The following STK32A variants were observed in gnomAD, a reference collection of about 807,000 sequenced individuals.
The protein encoded by STK32A is serine/threonine kinase 32A, also known as serine/threonine-protein kinase 32A.
A neutral mutation model predicts 53.2 loss-of-function variants in STK32A; 41 were observed. The observed-to-expected ratio is 0.77, with a 90% CI of 0.60 to 1.00. The LOEUF is 1.00. Ranked by LOEUF, STK32A falls within the 50% of genes least tolerant of loss-of-function variation. The probability of loss-of-function intolerance (pLI) is 0.00; values close to 1 mark genes in which losing one functional copy is unlikely to be tolerated. For synonymous variants in STK32A, 166 were observed against 162.8 expected, an observed-to-expected ratio of 1.02 and a Z score of -0.15; for missense variants, 458 against 485.8, an observed-to-expected ratio of 0.94 and a Z score of 0.54.
the STK32A span, chr5:147,399,125 T>A: frequency 6.2e-7 from 1 of 1,614,220 alleles, no homozygotes; most frequent in Non-Finnish European, 8.5e-7. Context: ...AGCATCTGGA[T>A]CCCAGATGAC....
intron 11 of STK32A, among the ~76,000 whole-genome samples, chr5:147,377,967 G>A (rs912782378): frequency 6.6e-6 from 1 of 152,050 alleles, no homozygotes; most frequent in African/African-American, 2.4e-5. Context: ...ACAAAGAATA[G>A]TCTTTCTTCC....
At chr5:147,336,995 G>GTACC (rs1225978805) in intron 5 of STK32A, among the ~76,000 whole-genome samples, 2 of 152,154 alleles carry the variant, frequency 1.3e-5, no homozygotes, top group African/African-American at 4.8e-5. Context: ...TCATGTACAT[G>GTACC]TACCGGTATA....
chr5:147,320,644 G>A (rs549039559), intron 4 of STK32A, among the ~76,000 whole-genome samples: 6 of 152,322 alleles, frequency 3.9e-5, no homozygotes, highest in Non-Finnish European at 7.4e-5. Flanking sequence ...GGCATTGCAC[G>A]TAACAGGGGA....
chr5:147,250,476 A>T (rs1753937756), intron 2 of STK32A, among the ~76,000 whole-genome samples: 1 of 152,174 alleles, frequency 6.6e-6, no homozygotes. Context: ...ATCCAGTTCA[A>T]CACTACTCTT....
chr5:147,399,427 T>C, the STK32A span, among the ~76,000 whole-genome samples: 1 of 152,206 alleles, frequency 6.6e-6, no homozygotes, highest in Non-Finnish European at 1.5e-5. Context: ...TGGGCTGTCG[T>C]GACTACTCAG....
At chr5:147,310,404 C>T (rs1368397854) in intron 4 of STK32A, among the ~76,000 whole-genome samples, 5 of 152,134 alleles carry the variant, frequency 3.3e-5, no homozygotes, top group African/African-American at 1.2e-4. Context: ...AATAAATTGC[C>T]TTTCTGGCTG....
At position 147,243,107 on chromosome 5, in the gene STK32A, G is replaced by GTTTTTTAAAATTTTTAAAAAGA. The variant is rs1554098500; in HGVS notation, c.52+3432_52+3453dup. ...AATCCCAATATGTGATTTTTAAAAA[G>GTTTTTTAAAATTTTTAAAAAGA]TTTTTTAAAATTTTTAAAAAGATTT... On this transcript the variant is annotated intron_variant, in intron 2 of 12. Transcript: ENST00000397936. 1.3e-4 allele frequency among the ~76,000 whole-genome samples: 7 copies of GTTTTTTAAAATTTTTAAAAAGA among 52,988 alleles called. 2 individuals carry two copies. The highest frequency in any genetic ancestry group is 4.3e-4 in the Admixed American group (2 of 4,662). 34.8% of individuals were successfully genotyped at this position (52,988 alleles called of 152,430 possible). A position where few individuals can be genotyped will look rare whatever the true frequency, so the allele number is the denominator to read the frequency against.
chr5:147,281,040 T>G (rs1328663592), intron 4 of STK32A, among the ~76,000 whole-genome samples: 10 of 151,950 alleles, frequency 6.6e-5, no homozygotes, highest in Non-Finnish European at 1.5e-5. Context: ...GAGATAACAA[T>G]CACTGCAGTT....
intron 2 of STK32A, among the ~76,000 whole-genome samples, chr5:147,255,045 C>T (rs758863576): frequency 6.6e-5 from 10 of 152,122 alleles, no homozygotes; most frequent in African/African-American, 1.2e-4. Flanking sequence ...GAGGCTGAGG[C>T]GGGAGAATGG....
At chr5:147,322,873 A>T (rs1424293) in intron 4 of STK32A, among the ~76,000 whole-genome samples, 44,830 of 151,942 alleles carry the variant, frequency 0.3, 7,772 homozygotes, top group African/African-American at 0.49. Flanking sequence ...ATCCTGCCTA[A>T]TTCAGTGACT....
intron 2 of STK32A, among the ~76,000 whole-genome samples, chr5:147,244,988 C>T (rs1561664478): frequency 6.6e-6 from 1 of 152,140 alleles, no homozygotes; most frequent in Non-Finnish European, 1.5e-5. Context: ...GCAACTCTGT[C>T]GATTCCACAG....
intron 4 of STK32A, 112 bp downstream of exon 4, chr5:147,279,510 C>T: frequency 1.1e-6 from 1 of 908,176 alleles, no homozygotes; most frequent in Non-Finnish European, 1.6e-6. Flanking sequence ...AGGCTCTTGA[C>T]ACAATTGCAA....
chr5:147,349,368 G>A (rs1032253164), intron 6 of STK32A, among the ~76,000 whole-genome samples: 1 of 152,206 alleles, frequency 6.6e-6, no homozygotes, highest in African/African-American at 2.4e-5. Flanking sequence ...TGGACTGTGG[G>A]CCCTGGAAGA....
intron 4 of STK32A, among the ~76,000 whole-genome samples, chr5:147,284,296 G>T (rs534980613): frequency 6.6e-6 from 1 of 152,120 alleles, no homozygotes; most frequent in African/African-American, 2.4e-5. Context: ...AGCCATCTAT[G>T]ACAAACCCAC....
intron 2 of STK32A, among the ~76,000 whole-genome samples, chr5:147,266,405 A>G (rs1754812310): frequency 6.6e-6 from 1 of 152,228 alleles, no homozygotes; most frequent in South Asian, 2.1e-4. Context: ...AAGTCCTTTG[A>G]TAATAGCATG....
chr5:147,399,244 C>T, the STK32A span: 2 of 1,613,992 alleles, frequency 1.2e-6, no homozygotes, highest in East Asian at 4.5e-5. Flanking sequence ...CGTCCATTTT[C>T]CCTGTGGCCT....
chr5:147,323,071 A>G (rs1430446606), intron 4 of STK32A, among the ~76,000 whole-genome samples: 5 of 152,138 alleles, frequency 3.3e-5, no homozygotes, highest in African/African-American at 1.2e-4. Context: ...GGTATTTTTC[A>G]AATTTTACTT....
chr5:147,296,532 T>C (rs1752875274), intron 4 of STK32A, among the ~76,000 whole-genome samples: 1 of 152,100 alleles, frequency 6.6e-6, no homozygotes, highest in African/African-American at 2.4e-5. Context: ...TTTTTTTCCT[T>C]ACCAGTTGAC....
At chr5:147,372,393 TC>T (rs1273045166) in intron 9 of STK32A, among the ~76,000 whole-genome samples, 1 of 150,668 alleles carries the variant, frequency 6.6e-6, no homozygotes, top group East Asian at 2.0e-4. Context: ...GGAGTCAAGT[TC>T]CTTATTTTGG....
Sources: gnomAD v4.1 joint callset for allele counts (sites outside exome capture counted in the v4.1 genomes callset) on GRCh38, gnomAD v4.1.1 for gene constraint, MANE v1.5 for transcripts, NCBI Gene and HGNC (gene_info 2026-07-23, HGNC 2026-07-21) for gene names.